PITX3: variants seen among roughly 807,000 people sequenced by gnomAD.
PITX3 encodes the protein pituitary homeobox 3.
A neutral mutation model predicts 14.2 loss-of-function variants in PITX3; 4 were observed. The observed-to-expected ratio is 0.28, with a 90% CI of 0.14 to 0.65. The LOEUF is 0.65. Among genes scored for constraint, PITX3 ranks in the 30% least tolerant of loss-of-function variants. The pLI is 0.82. For missense variants in PITX3, 358 were observed against 426.8 expected (o/e 0.84, Z 1.42); for synonymous variants, 194 against 204.5 (o/e 0.95, Z 0.44).
chr10:102,230,772 G>A lies in PITX3; in HGVS notation c.651C>T (p.Gly217=). Residue 217 remains glycine (G), a synonymous_variant, in exon 4 of 4, where the codon GGC becomes GGT. Transcript: ENST00000370002. ...GTVPGPGALQ[G]LGGGPPGLAP... ...CCAGCCCGGGGGGGCCCCCGCCCAG[G>A]CCCTGCAGGGCCCCAGGCCCTGGCA... 1 of 1,530,780 alleles carries A rather than the reference G, an allele frequency of 6.5e-7. No individual in the cohort carries two copies. Among genetic ancestry groups the A allele is most frequent in the Non-Finnish European group, 8.8e-7 (1 of 1,139,134 alleles). The allele number at this position is 1,530,780 out of a possible 1,614,324, so 94.8% of individuals were successfully genotyped here.
At chr10:102,234,103 GATGGC>G in intron 1 of PITX3, among the ~76,000 whole-genome samples, 2 of 152,352 alleles carry the variant, frequency 1.3e-5, no homozygotes, top group South Asian at 4.1e-4. Flanking sequence ...GGCTGCACAG[GATGGC>G]ATTAATGTGG....
intron 3 of PITX3, 121 bp from the exon 4 acceptor site, chr10:102,231,222 A>G (rs966249514): frequency 6.0e-6 from 6 of 1,001,258 alleles, no homozygotes; most frequent in Non-Finnish European, 8.5e-6. Context: ...TGAGGTGGCT[A>G]GAGACGGGGT....
intron 1 of PITX3, among the ~76,000 whole-genome samples, chr10:102,233,903 C>T (rs2133803838): frequency 6.6e-6 from 1 of 152,306 alleles, no homozygotes; most frequent in Non-Finnish European, 1.5e-5. Flanking sequence ...GTCCCCTTTT[C>T]TGCCTGCTCT....
At position 102,231,571 on chromosome 10, in the gene PITX3, G is replaced by T. The variant is rs757036345; in HGVS notation, c.321+17C>A. On this transcript the variant is annotated intron_variant, in intron 3 of 3. Coordinates refer to ENST00000370002, the MANE Select transcript of PITX3 (RefSeq NM_005029.4). ...GAGGGCCCGCGCGGGTGCGAGTCGC[G>T]GGTCTGGAGAGCATACCCGCACGCG... 15 of 1,535,784 alleles carry T rather than the reference G, an allele frequency of 9.8e-6. No homozygotes were observed. In the East Asian group the frequency reaches 3.5e-4, roughly 36 times the overall value.
chr10:102,233,062 T>C (rs2070293146), intron 1 of PITX3, among the ~76,000 whole-genome samples: 1 of 152,206 alleles, frequency 6.6e-6, no homozygotes, highest in African/African-American at 2.4e-5. Context: ...ACTAGGTCTG[T>C]GAGACTCCTA....
At chr10:102,234,641 C>T (rs2070337023) in intron 1 of PITX3, among the ~76,000 whole-genome samples, 1 of 152,060 alleles carries the variant, frequency 6.6e-6, no homozygotes, top group Admixed American at 6.6e-5. Flanking sequence ...CCCCTTACTT[C>T]ATACCCCTTA....
At chr10:102,239,041 G>T (rs1315045426) in intron 1 of PITX3, among the ~76,000 whole-genome samples, 1 of 152,160 alleles carries the variant, frequency 6.6e-6, no homozygotes, top group Non-Finnish European at 1.5e-5. Flanking sequence ...AAGATTTGGG[G>T]AGCAAGCAAT....
rs780709110 is a variant in PITX3 at position 102,230,719 on chromosome 10, A to G, written c.704T>C (p.Val235Ala). 1.9e-6 allele frequency: 3 copies of G among 1,541,500 alleles called. No homozygotes were observed. The highest frequency in any genetic ancestry group is 1.7e-6 in the Non-Finnish European group (2 of 1,143,406). ...LAPAAVSSGAVSCPYASAAAA... is the reference protein window; with the variant it reads ...LAPAAVSSGAASCPYASAAAA... ...GGCGGCCGAGGCATAAGGGCAGGAC[A>G]CGGCCCCGGAGGACACGGCGGCCGG... Residue 235 changes from valine (V) to alanine (A), a missense_variant, in exon 4 of 4, where the codon GTG (valine) becomes GCG (alanine). Val to Ala is a moderately conservative substitution (Grantham distance 64, BLOSUM62 0). This residue lies in a region of PITX3 where 236 missense variants were observed against 250.2 expected (regional missense o/e 0.94). Coordinates refer to ENST00000370002, the MANE Select transcript of PITX3 (RefSeq NM_005029.4).
intron 1 of PITX3, 139 bp from the exon 2 acceptor site, chr10:102,232,231 T>G: frequency 1.6e-6 from 1 of 633,158 alleles, no homozygotes; most frequent in South Asian, 1.8e-5. Context: ...TGGGGCTCCT[T>G]AGGATAGAAT....
intron 1 of PITX3, among the ~76,000 whole-genome samples, chr10:102,235,178 C>T (rs2070357376): frequency 9.1e-6 from 1 of 109,538 alleles, no homozygotes; most frequent in African/African-American, 3.6e-5. Flanking sequence ...CCCCACCCCC[C>T]ACCCCCCCAC....
In PITX3 at chr10:102,231,568, C is replaced by G. The variant is rs752275416; in HGVS notation, c.321+20G>C. The G allele has an allele frequency of 2.6e-6, 4 of 1,520,806 alleles. No individual in the cohort carries two copies. The African/African-American group carries it at 5.5e-5, about 21-fold the overall frequency. The allele number at this position is 1,520,806 out of a possible 1,614,324, so 94.2% of individuals were successfully genotyped here. ...GCGGAGGGCCCGCGCGGGTGCGAGT[C>G]GCGGGTCTGGAGAGCATACCCGCAC... On this transcript the variant is annotated intron_variant, in intron 3 of 3. Transcript: ENST00000370002.
intron 2 of PITX3, 80 bp from the exon 3 acceptor site, chr10:102,231,870 C>T (rs1590405645): frequency 6.4e-7 from 1 of 1,565,834 alleles, no homozygotes; most frequent in Non-Finnish European, 8.7e-7. Context: ...CTAAGCCACT[C>T]GCTGGCTCCC....
rs748696856 is a variant in PITX3, at chr10:102,230,329, G to A, written c.*185C>T. ...CTTTAGTCCCAGGGGCGCGGTCTGT[G>A]TGTAGGGCCTAGTCCACCCCTCAGG... On this transcript the variant is annotated 3_prime_UTR_variant, in exon 4 of 4. Transcript: ENST00000370002. The A allele has an allele frequency of 4.2e-5, 37 of 878,108 alleles. No homozygotes were observed. The highest frequency in any genetic ancestry group is 6.2e-5 in the Non-Finnish European group (37 of 599,038). The allele number at this position is 878,108 out of a possible 1,614,324, so 54.4% of individuals were successfully genotyped here.
intron 1 of PITX3, among the ~76,000 whole-genome samples, chr10:102,240,724 C>T (rs2070512376): frequency 6.6e-6 from 1 of 152,242 alleles, no homozygotes; most frequent in Non-Finnish European, 1.5e-5. Flanking sequence ...GCCCAGACAC[C>T]CCAAGCCAGA....
At chr10:102,234,429 CA>C (rs1294443619) in intron 1 of PITX3, among the ~76,000 whole-genome samples, 1 of 152,128 alleles carries the variant, frequency 6.6e-6, no homozygotes, top group Admixed American at 6.5e-5. Flanking sequence ...GGAGAAAAGT[CA>C]GGCCAGAACT....
chr10:102,232,171 G>C, intron 1 of PITX3, 79 bp from the exon 2 acceptor site: 3 of 802,404 alleles, frequency 3.7e-6, no homozygotes, highest in Non-Finnish European at 6.3e-6. Context: ...GCGTTTCCTC[G>C]TAAATTCCCT....
intron 1 of PITX3, among the ~76,000 whole-genome samples, chr10:102,240,365 G>A (rs1439273138): frequency 6.6e-6 from 1 of 152,204 alleles, no homozygotes; most frequent in Non-Finnish European, 1.5e-5. Context: ...GAATTGAAGG[G>A]GGCATGTGTC....
In PITX3 at chr10:102,230,851, G is replaced by A; in HGVS notation, c.572C>T (p.Pro191Leu). 4 of 1,595,554 alleles carry A rather than the reference G, an allele frequency of 2.5e-6. No homozygotes were observed. The highest frequency in any genetic ancestry group is 3.4e-6 in the Non-Finnish European group (4 of 1,171,904). ...CACCATGGAGGCGGCGATGGAGCTG[G>A]GTGGCGAGAAGACGGGCTGCGAAGC... Reference protein sequence around the residue: ...PLASQPVFSPPSSIAASMVPS... With the variant: ...PLASQPVFSPLSSIAASMVPS... Residue 191 changes from proline to leucine, a missense_variant, in exon 4 of 4, where the codon CCC becomes CTC. Around this residue, in one of 3 missense-constraint regions of PITX3, gnomAD observed 236 missense variants for 250.2 expected, o/e 0.94. Transcript: ENST00000370002.
At position 102,230,720 on chromosome 10, in the gene PITX3, C is replaced by T. The variant is rs148445461; in HGVS notation, c.703G>A (p.Val235Met). ...GCGGCCGAGGCATAAGGGCAGGACA[C>T]GGCCCCGGAGGACACGGCGGCCGGA... Reference protein sequence around the residue: ...LAPAAVSSGAVSCPYASAAAA... With the variant: ...LAPAAVSSGAMSCPYASAAAA... The change falls in exon 4 of 4, where the codon GTG becomes ATG. Residue 235 changes from valine (V) to methionine (M), a missense_variant. Around this residue, in one of 3 missense-constraint regions of PITX3, gnomAD observed 236 missense variants for 250.2 expected, o/e 0.94. Transcript: ENST00000370002. The T allele has an allele frequency of 2.1e-4, 323 of 1,540,718 alleles. No homozygotes were observed. The highest frequency in any genetic ancestry group is 2.7e-4 in the Non-Finnish European group (310 of 1,143,016).
Sources: allele counts gnomAD v4.1 joint callset (sites outside exome capture counted in the v4.1 genomes callset), GRCh38; gene constraint gnomAD v4.1.1; regional missense constraint gnomAD v4.1.1; transcripts MANE v1.5; gene names NCBI Gene and HGNC (gene_info 2026-07-23, HGNC 2026-07-21).